LRMDA: variants seen among roughly 807,000 people sequenced by gnomAD.
LRMDA encodes the protein leucine-rich melanocyte differentiation-associated protein.
In LRMDA, 18 loss-of-function variants were observed where a neutral mutation model predicts 29.8. That is an observed-to-expected ratio of 0.60 (90% CI 0.42 to 0.90). The LOEUF is 0.90. Ranked by LOEUF, LRMDA falls within the 40% of genes least tolerant of loss-of-function variation. The pLI, the probability that LRMDA is intolerant of heterozygous loss-of-function variation, is 0.00. For synonymous variants in LRMDA, 125 were observed against 109.4 expected, an observed-to-expected ratio of 1.14 and a Z score of -0.89; for missense variants, 273 against 273.9, an observed-to-expected ratio of 1.00 and a Z score of 0.02.
At chr10:76,371,006 A>G (rs1440568563) in intron 6 of LRMDA, among the ~76,000 whole-genome samples, 2 of 152,082 alleles carry the variant, frequency 1.3e-5, no homozygotes, top group Non-Finnish European at 2.9e-5. Context: ...TTAAAATGGG[A>G]CTCTTCAAGT....
At chr10:75,589,121 A>C (rs1840690332) in intron 2 of LRMDA, among the ~76,000 whole-genome samples, 1 of 152,212 alleles carries the variant, frequency 6.6e-6, no homozygotes, top group Admixed American at 6.5e-5. Context: ...AAATTCCCAG[A>C]AATTGACTTA....
At chr10:75,568,275 A>G (rs562785123) in intron 2 of LRMDA, among the ~76,000 whole-genome samples, 75 of 152,280 alleles carry the variant, frequency 4.9e-4, no homozygotes, top group African/African-American at 1.8e-3. Flanking sequence ...TGTGTTAATA[A>G]ATATTGTTGA....
At chr10:75,708,288 C>G (rs910684767) in intron 2 of LRMDA, among the ~76,000 whole-genome samples, 3 of 152,238 alleles carry the variant, frequency 2.0e-5, no homozygotes, top group African/African-American at 7.2e-5. Flanking sequence ...ACTGCTCTCT[C>G]TCTCATAACA....
intron 6 of LRMDA, among the ~76,000 whole-genome samples, chr10:76,337,121 A>C (rs1250101691): frequency 6.6e-6 from 1 of 152,160 alleles, no homozygotes; most frequent in Non-Finnish European, 1.5e-5. Flanking sequence ...CATATTCCAT[A>C]GCCTCCATTT....
intron 2 of LRMDA, among the ~76,000 whole-genome samples, chr10:75,700,292 T>C (rs935909938): frequency 1.3e-5 from 2 of 151,788 alleles, no homozygotes; most frequent in African/African-American, 4.8e-5. Context: ...AAACCAATAT[T>C]TTAAAAAATA....
chr10:76,540,765 A>G (rs1843344931), intron 6 of LRMDA, among the ~76,000 whole-genome samples: 1 of 152,194 alleles, frequency 6.6e-6, no homozygotes, highest in Non-Finnish European at 1.5e-5. Context: ...AAACTGCAGA[A>G]TGAGCATGTG....
chr10:76,255,624 G>A (rs1035498419), intron 5 of LRMDA, among the ~76,000 whole-genome samples: 15 of 152,196 alleles, frequency 9.9e-5, no homozygotes, highest in Admixed American at 2.6e-4. Flanking sequence ...CAAGAAGATG[G>A]AGTATGAACC....
intron 6 of LRMDA, among the ~76,000 whole-genome samples, chr10:76,327,707 C>T (rs963355979): frequency 2.0e-5 from 3 of 152,170 alleles, no homozygotes; most frequent in Non-Finnish European, 2.9e-5. Flanking sequence ...TGCGAGGTAA[C>T]TTGATTGCAT....
chr10:76,053,378 C>A (rs1848561510), intron 4 of LRMDA, among the ~76,000 whole-genome samples: 1 of 152,020 alleles, frequency 6.6e-6, no homozygotes, highest in African/African-American at 2.4e-5. Flanking sequence ...GCTGTGATAA[C>A]CCCAGTAACT....
At chr10:76,195,456 A>T (rs1056423208) in intron 5 of LRMDA, among the ~76,000 whole-genome samples, 14 of 152,164 alleles carry the variant, frequency 9.2e-5, no homozygotes, top group Non-Finnish European at 1.5e-4. Context: ...ATACATCTTT[A>T]AAAAATTCAA....
intron 5 of LRMDA, among the ~76,000 whole-genome samples, chr10:76,261,889 T>A (rs1339883502): frequency 6.6e-6 from 1 of 152,124 alleles, no homozygotes; most frequent in Non-Finnish European, 1.5e-5. Flanking sequence ...TTGAGCAATC[T>A]TGATAAGTTT....
chr10:76,212,236 AAC>A (rs35344389), intron 5 of LRMDA, among the ~76,000 whole-genome samples: 4,777 of 142,756 alleles, frequency 0.033, 131 homozygotes, highest in African/African-American at 0.076. Context: ...TGAAAATTAA[AAC>A]ACACACACAC....
intron 2 of LRMDA, among the ~76,000 whole-genome samples, chr10:75,958,691 G>T (rs1846707820): frequency 6.6e-6 from 1 of 152,162 alleles, no homozygotes; most frequent in Non-Finnish European, 1.5e-5. Flanking sequence ...TTTGCTACTG[G>T]GTTGTATAGC....
chr10:76,516,443 A>G (rs1455308083), intron 6 of LRMDA, among the ~76,000 whole-genome samples: 2 of 152,136 alleles, frequency 1.3e-5, no homozygotes, highest in Non-Finnish European at 2.9e-5. Context: ...TGCTGCACCC[A>G]TTAACTCGTC....
At chr10:75,769,229 A>C (rs565954614) in intron 2 of LRMDA, among the ~76,000 whole-genome samples, 3 of 152,364 alleles carry the variant, frequency 2.0e-5, no homozygotes, top group South Asian at 4.1e-4. Context: ...GCAAGTTATA[A>C]AATTACATAA....
chr10:75,987,278 G>A (rs1847276805), intron 2 of LRMDA, among the ~76,000 whole-genome samples: 1 of 152,182 alleles, frequency 6.6e-6, no homozygotes, highest in Non-Finnish European at 1.5e-5. Flanking sequence ...ATAAGGAGGA[G>A]TGGGTCAACT....
chr10:75,797,262 G>C (rs543327680), intron 2 of LRMDA, among the ~76,000 whole-genome samples: 2 of 152,176 alleles, frequency 1.3e-5, no homozygotes, highest in African/African-American at 4.8e-5. Flanking sequence ...ATTATTTATA[G>C]TGTTACCATA....
At chr10:76,117,993 C>G (rs1311491228) in intron 5 of LRMDA, among the ~76,000 whole-genome samples, 2 of 152,186 alleles carry the variant, frequency 1.3e-5, no homozygotes, top group Non-Finnish European at 2.9e-5. Flanking sequence ...GATGTTGACC[C>G]ATTCCCTCTG....
Position 76,047,326 on chromosome 10 carries a change from AT to A in LRMDA, c.398+24del. On this transcript the variant is annotated intron_variant, in intron 4 of 6. Coordinates refer to ENST00000611255, the MANE Select transcript of LRMDA (RefSeq NM_001305581.2). The stretch of plus-strand genomic sequence containing the variant: ...CAGGTGAGTGTCCAGGGGTTGGACC[AT>A]GGTGGGAAAAGGGAAAAAGAGAAAC... The A allele has an allele frequency of 3.2e-6, 5 of 1,583,554 alleles. No individual in the cohort carries two copies. In the African/African-American group the frequency reaches 6.8e-5, roughly 22 times the overall value.
Sources: allele counts gnomAD v4.1 joint callset (sites outside exome capture counted in the v4.1 genomes callset), GRCh38; gene constraint gnomAD v4.1.1; transcripts MANE v1.5; gene names NCBI Gene and HGNC (gene_info 2026-07-23, HGNC 2026-07-21).